The following TADA2A variants were observed in gnomAD, a reference collection of about 807,000 sequenced individuals.
TADA2A encodes the protein transcriptional adaptor 2A.
In TADA2A, 38 loss-of-function variants were observed where a neutral mutation model predicts 67.4. The observed-to-expected ratio is 0.56, with a 90% CI of 0.44 to 0.74. The LOEUF is 0.74. TADA2A is among the 30% of genes least tolerant of loss of function. The pLI is 0.00. For synonymous variants in TADA2A, 192 were observed against 181.6 expected (o/e 1.06, Z -0.46); for missense variants, 454 against 547.0 (o/e 0.83, Z 1.70).
chr17:37,424,346 A>C lies in TADA2A; in HGVS notation c.132+731A>C, dbSNP rs552180009. On this transcript the variant is annotated intron_variant, in intron 3 of 15. Transcript: ENST00000615182. The stretch of plus-strand genomic sequence containing the variant: ...GTAATCCCAGCTACTTGGGAGGCTG[A>C]GGCAGGAGAATCTTTTTTTTTTTTT... Among the ~76,000 whole-genome samples, 1,197 of 151,126 alleles carry C rather than the reference A, an allele frequency of 7.9e-3. 14 individuals are homozygous for C. Among genetic ancestry groups the C allele is most frequent in the Non-Finnish European group, 0.014 (967 of 67,838 alleles).
In TADA2A at chr17:37,442,620, GGGTACATGCCA is replaced by G; in HGVS notation, c.501_511del (p.Tyr168SerfsTer6). The stretch of plus-strand genomic sequence containing the variant: ...CTCCTTGCTTTCTCGGGACATGGCC[GGGTACATGCCA>G]GCTCGAGCAGATTTCATTGAGGTAG... On this transcript the variant is annotated frameshift_variant, in exon 7 of 16. Transcript: ENST00000615182. LOFTEE classifies it high-confidence loss of function. The G allele has an allele frequency of 6.2e-7, 1 of 1,613,762 alleles. No homozygotes were observed. Among genetic ancestry groups the G allele is most frequent in the East Asian group, 2.2e-5 (1 of 44,864 alleles).
chr17:37,465,639 AAATG>A, intron 11 of TADA2A, 98 bp downstream of exon 11: 1 of 1,543,298 alleles, frequency 6.5e-7, no homozygotes, highest in Non-Finnish European at 8.8e-7. Context: ...ATAAATAAAT[AAATG>A]GATATTTCTC....
At chr17:37,409,131 G>C (rs2051774991) in intron 1 of TADA2A, among the ~76,000 whole-genome samples, 1 of 152,100 alleles carries the variant, frequency 6.6e-6, no homozygotes, top group Non-Finnish European at 1.5e-5. Context: ...TGTCGCCCAG[G>C]CTGGAGTGCA....
Position 37,444,683 on chromosome 17 carries a change from T to C in TADA2A, c.532-13T>C. 1 of 1,613,328 alleles carries C rather than the reference T, an allele frequency of 6.2e-7. No individual in the cohort carries two copies. The highest frequency in any genetic ancestry group is 8.5e-7 in the Non-Finnish European group (1 of 1,179,462). On this transcript the variant is annotated splice_polypyrimidine_tract_variant and intron_variant, in intron 7 of 15. Coordinates refer to ENST00000615182, the MANE Select transcript of TADA2A (RefSeq NM_001166105.3). Reference sequence around the variant, plus strand: ...TGGGTTTGGGGTGGGGATTTTTTTGTTCCCCTAAACAGGAATTTGACAATT... The same window carrying C: ...TGGGTTTGGGGTGGGGATTTTTTTGCTCCCCTAAACAGGAATTTGACAATT...
chr17:37,467,350 A>T, intron 11 of TADA2A, 104 bp from the exon 12 acceptor site: 2 of 870,636 alleles, frequency 2.3e-6, no homozygotes, highest in Non-Finnish European at 3.6e-6. Context: ...GAACTTCCCT[A>T]GTCTTATAAG....
At chr17:37,465,781 C>G in intron 11 of TADA2A, 1 of 604,670 alleles carries the variant, frequency 1.7e-6, no homozygotes, top group Non-Finnish European at 2.8e-6. Context: ...TTTCTCCCTA[C>G]TTTGTATCAT....
At chr17:37,455,580 A>C (rs2053368994) in intron 8 of TADA2A, among the ~76,000 whole-genome samples, 1 of 151,928 alleles carries the variant, frequency 6.6e-6, no homozygotes, top group Non-Finnish European at 1.5e-5. Context: ...ATGGGGTTTC[A>C]CCATGTTAGC....
At chr17:37,459,566 A>C (rs2053494842) in intron 9 of TADA2A, among the ~76,000 whole-genome samples, 1 of 146,000 alleles carries the variant, frequency 6.8e-6, no homozygotes, top group Admixed American at 6.9e-5. Flanking sequence ...TACAGGCGTG[A>C]GCCACCGTGT....
At chr17:37,412,334 C>G (rs570355878) in intron 2 of TADA2A, among the ~76,000 whole-genome samples, 53 of 152,046 alleles carry the variant, frequency 3.5e-4, no homozygotes, top group African/African-American at 1.2e-3. Context: ...ATGTTTCAGG[C>G]ACCTTGATAA....
intron 15 of TADA2A, among the ~76,000 whole-genome samples, chr17:37,476,483 C>G (rs1444898794): frequency 6.6e-6 from 1 of 152,168 alleles, no homozygotes; most frequent in Admixed American, 6.5e-5. Flanking sequence ...TAGTGTTTGA[C>G]TCCTGAAAGA....
chr17:37,424,047 C>T (rs560451348), intron 3 of TADA2A, among the ~76,000 whole-genome samples: 5 of 151,996 alleles, frequency 3.3e-5, no homozygotes, highest in Non-Finnish European at 5.9e-5. Flanking sequence ...CGCACCCGGC[C>T]CCAATTTTTC....
In TADA2A at chr17:37,477,175, T is replaced by C; in HGVS notation, c.*193T>C. 1 of 565,520 alleles carries C rather than the reference T, an allele frequency of 1.8e-6. No homozygotes were observed. The highest frequency in any genetic ancestry group is 3.0e-6 in the Non-Finnish European group (1 of 329,956). 35.0% of individuals were successfully genotyped at this position (565,520 alleles called of 1,614,324 possible). A position where few individuals can be genotyped will look rare whatever the true frequency, so the allele number is the denominator to read the frequency against. ...TGCTTTAAAACACTCCTGTTGTTGG[T>C]ATTATGCTGCAGAGTTGTGTGCTAC... On this transcript the variant is annotated 3_prime_UTR_variant, in exon 16 of 16. Coordinates refer to ENST00000615182, the MANE Select transcript of TADA2A (RefSeq NM_001166105.3).
intron 14 of TADA2A, among the ~76,000 whole-genome samples, chr17:37,472,286 G>A (rs1198543270): frequency 6.6e-6 from 1 of 151,830 alleles, no homozygotes; most frequent in Non-Finnish European, 1.5e-5. Context: ...GGCTGGTCTC[G>A]AACTGCTGAC....
At chr17:37,422,992 G>A (rs953725904) in intron 2 of TADA2A, among the ~76,000 whole-genome samples, 1 of 152,208 alleles carries the variant, frequency 6.6e-6, no homozygotes, top group African/African-American at 2.4e-5. Flanking sequence ...TAATTCCAGA[G>A]CTTTGAGAGG....
intron 1 of TADA2A, among the ~76,000 whole-genome samples, chr17:37,407,675 C>G (rs2051643377): frequency 6.6e-6 from 1 of 151,806 alleles, no homozygotes; most frequent in African/African-American, 2.4e-5. Context: ...TGCAGTGGCA[C>G]GATCGCGGCT....
intron 7 of TADA2A, among the ~76,000 whole-genome samples, chr17:37,443,251 GTTC>G (rs2052975163): frequency 6.7e-6 from 1 of 149,924 alleles, no homozygotes; most frequent in East Asian, 1.9e-4. Context: ...CTATAGTCTG[GTTC>G]TTTTTTTTTT....
At chr17:37,440,395 T>C in intron 5 of TADA2A, 110 bp from the exon 6 acceptor site, 3 of 1,232,972 alleles carry the variant, frequency 2.4e-6, no homozygotes, top group East Asian at 2.5e-5. Context: ...TTTGGAAATA[T>C]GAGAGTATAT....
chr17:37,436,546 A>T (rs1235272486), intron 4 of TADA2A: 1 of 151,838 alleles, frequency 6.6e-6, no homozygotes, highest in Non-Finnish European at 1.5e-5. Flanking sequence ...TTTAGTAGAG[A>T]CGAGGTTTCA....
At chr17:37,436,009 C>G (rs1171498994) in intron 4 of TADA2A, among the ~76,000 whole-genome samples, 1 of 152,108 alleles carries the variant, frequency 6.6e-6, no homozygotes, top group African/African-American at 2.4e-5. Context: ...AGCCACCATG[C>G]CTGGCCAACT....
Sources: allele counts gnomAD v4.1 joint callset (sites outside exome capture counted in the v4.1 genomes callset), GRCh38; gene constraint gnomAD v4.1.1; transcripts MANE v1.5; gene names NCBI Gene and HGNC (gene_info 2026-07-23, HGNC 2026-07-21).